Variants in ROCK1 observed in about 807,000 individuals in gnomAD.
ROCK1 encodes Rho associated coiled-coil containing protein kinase 1.
Under a neutral mutation model 196.8 loss-of-function variants are expected in ROCK1, and 36 were observed. The observed-to-expected ratio is 0.18, with a 90% CI of 0.14 to 0.24. ROCK1 has a LOEUF of 0.24. ROCK1 is among the 10% of genes least tolerant of loss of function. ROCK1 has a pLI of 1.00. For missense variants in ROCK1, 920 were observed against 1,562.0 expected (o/e 0.59, Z 6.93); for synonymous variants, 443 against 515.9 (o/e 0.86, Z 1.91).
At chr18:21,069,566 G>A (rs1422990371) in intron 2 of ROCK1, among the ~76,000 whole-genome samples, 1 of 151,874 alleles carries the variant, frequency 6.6e-6, no homozygotes, top group Non-Finnish European at 1.5e-5. Context: ...ATTCTTGCTA[G>A]CCATTACTTT....
At chr18:21,076,313 G>C (rs554306435) in intron 1 of ROCK1, among the ~76,000 whole-genome samples, 1 of 152,218 alleles carries the variant, frequency 6.6e-6, no homozygotes, top group African/African-American at 2.4e-5. Flanking sequence ...AGACCAGCCT[G>C]GCTAATACGG....
chr18:21,090,842 A>G (rs747836629), intron 1 of ROCK1, among the ~76,000 whole-genome samples: 1 of 147,984 alleles, frequency 6.8e-6, no homozygotes, highest in Non-Finnish European at 1.5e-5. Flanking sequence ...CAGAGCTTAC[A>G]TGTAAGAGCA....
At chr18:20,972,586 A>T (rs1490764271) in intron 22 of ROCK1, among the ~76,000 whole-genome samples, 1 of 152,236 alleles carries the variant, frequency 6.6e-6, no homozygotes, top group Non-Finnish European at 1.5e-5. Context: ...AAGAGTAGCC[A>T]GTTCAATAAG....
At chr18:21,093,206 T>C (rs747632193) in intron 1 of ROCK1, among the ~76,000 whole-genome samples, 2 of 152,192 alleles carry the variant, frequency 1.3e-5, no homozygotes, top group African/African-American at 4.8e-5. Context: ...CAAATAGTCT[T>C]AGAAGCTACT....
intron 2 of ROCK1, among the ~76,000 whole-genome samples, chr18:21,065,361 G>GT (rs921823616): frequency 2.7e-4 from 40 of 146,596 alleles, no homozygotes; most frequent in Middle Eastern, 6.9e-3. Flanking sequence ...TATCAGTTCT[G>GT]TTTTTTTTTT....
At chr18:20,971,128 A>G (rs1321498793) in intron 22 of ROCK1, among the ~76,000 whole-genome samples, 1 of 152,014 alleles carries the variant, frequency 6.6e-6, no homozygotes, top group Non-Finnish European at 1.5e-5. Context: ...CAGTTTGCCT[A>G]CTCTTCTCAA....
chr18:21,015,034 T>C (rs2035851361), intron 13 of ROCK1, among the ~76,000 whole-genome samples: 1 of 152,248 alleles, frequency 6.6e-6, no homozygotes, highest in Non-Finnish European at 1.5e-5. Context: ...TTTGATTACA[T>C]GAGATTATGT....
Position 20,953,631 on chromosome 18 carries a change from G to A in ROCK1, c.4008C>T (p.Ser1336=). Residue 1336 remains serine (S), a synonymous_variant, in exon 32 of 33, where the codon TCC becomes TCT. Coordinates refer to ENST00000399799, the MANE Select transcript of ROCK1 (RefSeq NM_005406.3). ...RASPRTLSTR[S]TANQSFRKVV... is the part of the protein sequence containing the mutation. ...CTTTCCGGAAAGACTGATTTGCAGTGGATCTTGTAGAAAGCGTTCGAGGGG... is the reference window on the plus strand; with the variant it reads ...CTTTCCGGAAAGACTGATTTGCAGTAGATCTTGTAGAAAGCGTTCGAGGGG... 2 of 1,610,182 alleles carry A rather than the reference G, an allele frequency of 1.2e-6. No individual in the cohort carries two copies. Among genetic ancestry groups the A allele is most frequent in the South Asian group, 1.1e-5 (1 of 90,000 alleles).
intron 2 of ROCK1, among the ~76,000 whole-genome samples, chr18:21,051,457 A>G (rs1302312510): frequency 1.3e-5 from 2 of 152,106 alleles, no homozygotes; most frequent in African/African-American, 4.8e-5. Context: ...CTGTCTCAAA[A>G]AAAGGAAAGA....
chr18:20,959,105 A>AT (rs1301374864), intron 29 of ROCK1, among the ~76,000 whole-genome samples: 550 of 33,864 alleles, frequency 0.016, 44 homozygotes, highest in African/African-American at 0.083. Context: ...TATATATATT[A>AT]TATATATATT....
chr18:20,973,476 C>A (rs1262906333), intron 22 of ROCK1, among the ~76,000 whole-genome samples: 1 of 151,996 alleles, frequency 6.6e-6, no homozygotes, highest in Non-Finnish European at 1.5e-5. Flanking sequence ...CGGGGTTTCA[C>A]CGTGTTAGCC....
In ROCK1 at chr18:20,969,106, T is replaced by C; in HGVS notation, c.2914+9A>G. 2.0e-6 allele frequency: 3 copies of C among 1,532,806 alleles called. No homozygotes were observed. The highest frequency in any genetic ancestry group is 2.7e-6 in the Non-Finnish European group (3 of 1,116,760). The allele number at this position is 1,532,806 out of a possible 1,614,324, so 95.0% of individuals were successfully genotyped here. A position where few individuals can be genotyped will look rare whatever the true frequency, so the allele number is the denominator to read the frequency against. On this transcript the variant is annotated intron_variant, in intron 24 of 32. Coordinates refer to ENST00000399799, the MANE Select transcript of ROCK1 (RefSeq NM_005406.3). The stretch of plus-strand genomic sequence containing the variant: ...TTTAACATGATGATTTTTTAAAAAT[T>C]CTACATACCTTCCTCTGCCTTCTTC...
Position 20,975,106 on chromosome 18 carries a change from C to T in ROCK1, c.2655-4593G>A, listed in dbSNP as rs187656643. Among the ~76,000 whole-genome samples, 21 of 151,952 alleles carry T rather than the reference C, an allele frequency of 1.4e-4. No individual in the cohort carries two copies. In the East Asian group the frequency reaches 2.5e-3, roughly 18 times the overall value. On this transcript the variant is annotated intron_variant, in intron 22 of 32. Transcript: ENST00000399799. ...TCCTACCATAGAGCTTTGTTTCTAG[C>T]GGAAAAACAAAAACAATAAATACAA...
At position 20,946,907 on chromosome 18, in the gene ROCK1, G is replaced by T. The variant is rs2035133461; in HGVS notation, c.*4477C>A. On this transcript the variant is annotated 3_prime_UTR_variant, in exon 33 of 33. Transcript: ENST00000399799. ...TACACTCACAGTTATCCAGGCAAAT[G>T]AACCACTTAATTCAATTTAATAGCC... The T allele has an allele frequency of 6.6e-6, 1 of 152,140 alleles. No individual in the cohort carries two copies. Among genetic ancestry groups the T allele is most frequent in the Non-Finnish European group, 1.5e-5 (1 of 68,034 alleles). 9.4% of individuals were successfully genotyped at this position (152,140 alleles called of 1,614,324 possible). A position where few individuals can be genotyped will look rare whatever the true frequency, so the allele number is the denominator to read the frequency against.
chr18:20,987,234 G>C, intron 18 of ROCK1, 124 bp from the exon 19 acceptor site: 1 of 747,390 alleles, frequency 1.3e-6, no homozygotes, highest in South Asian at 1.8e-5. Flanking sequence ...CTTGAATAGA[G>C]CTAGTAATTA....
chr18:20,962,093 A>G (rs2035333180), intron 27 of ROCK1, among the ~76,000 whole-genome samples: 2 of 152,064 alleles, frequency 1.3e-5, no homozygotes, highest in African/African-American at 4.8e-5. Flanking sequence ...ATTATTTTGT[A>G]ATTCTGCATT....
intron 16 of ROCK1, among the ~76,000 whole-genome samples, chr18:21,000,016 T>C (rs2035709297): frequency 6.6e-6 from 1 of 152,228 alleles, no homozygotes; most frequent in Admixed American, 6.5e-5. Flanking sequence ...AGGTCTTGTT[T>C]GCAGAAATAG....
chr18:21,092,427 C>G lies in ROCK1; in HGVS notation c.93+18391G>C, dbSNP rs922379567. 1.3e-3 allele frequency among the ~76,000 whole-genome samples: 194 copies of G among 151,890 alleles called. 4 individuals are homozygous for G. The highest frequency in any genetic ancestry group is 2.1e-4 in the Non-Finnish European group (14 of 67,930). ...TTAAGACTTCATCTGTACTAAAATG[C>G]AACAAAGTTAGCCAGCTGTGATGGC... On this transcript the variant is annotated intron_variant, in intron 1 of 32. Transcript: ENST00000399799.
At chr18:21,007,206 T>C (rs1322000935) in intron 14 of ROCK1, among the ~76,000 whole-genome samples, 1 of 152,146 alleles carries the variant, frequency 6.6e-6, no homozygotes, top group Non-Finnish European at 1.5e-5. Context: ...TTAGTCATTT[T>C]TGCCCCTTCT....
Sources: allele counts gnomAD v4.1 joint callset (sites outside exome capture counted in the v4.1 genomes callset), GRCh38; gene constraint gnomAD v4.1.1; transcripts MANE v1.5; gene names NCBI Gene and HGNC (gene_info 2026-07-23, HGNC 2026-07-21).